MYH11: variants seen among roughly 807,000 people sequenced by gnomAD.
The protein encoded by MYH11 is myosin-11.
MYH11 carries 80 observed loss-of-function variants against 246.6 expected under a neutral mutation model. That is an observed-to-expected ratio of 0.32 (90% CI 0.27 to 0.39). The LOEUF (loss-of-function observed/expected upper bound fraction) is 0.39, where lower values mean the gene tolerates loss of function less well. Among genes scored for constraint, MYH11 ranks in the 10% least tolerant of loss-of-function variants. The pLI is 1.00. For synonymous variants in MYH11, 1,071 were observed against 1,015.5 expected, an observed-to-expected ratio of 1.05 and a Z score of -1.04; for missense variants, 2,158 against 2,546.8, an observed-to-expected ratio of 0.85 and a Z score of 3.29.
At chr16:15,823,774 C>T (rs529793531) in intron 2 of MYH11, among the ~76,000 whole-genome samples, 6 of 152,140 alleles carry the variant, frequency 3.9e-5, no homozygotes, top group East Asian at 3.9e-4. Flanking sequence ...TACAGGCGGG[C>T]GCCACCAGGC....
rs751505124 is a variant in MYH11 at position 15,838,043 on chromosome 16, C to T, written c.210G>A (p.Thr70=). The T allele has an allele frequency of 9.3e-6, 15 of 1,614,008 alleles. No individual in the cohort carries two copies. Among genetic ancestry groups the T allele is most frequent in the Middle Eastern group, 1.6e-4 (1 of 6,084 alleles). ...VELVENGKKV[T]VGKDDIQKMN... ...TCTTCTGGATGTCATCTTTCCCAACCGTGACCTTCTTGCCATTCTCCACCA... is the reference window on the plus strand; with the variant it reads ...TCTTCTGGATGTCATCTTTCCCAACTGTGACCTTCTTGCCATTCTCCACCA... The change falls in exon 2 of 41, where the codon ACG becomes ACA. Residue 70 remains threonine, a synonymous_variant. Coordinates refer to ENST00000300036, the MANE Select transcript of MYH11 (RefSeq NM_002474.3).
intron 28 of MYH11, chr16:15,726,369 CTTTTTTT>C (rs781567624): frequency 6.7e-6 from 1 of 149,168 alleles, no homozygotes; most frequent in Non-Finnish European, 1.4e-5. Context: ...GGTTTTTTTT[CTTTTTTT>C]TTTTTTTTCC....
rs988929384 is a variant in MYH11 at position 15,837,892 on chromosome 16, T to C, written c.345+16A>G. Reference sequence around the variant, plus strand: ...ATGAGGCCAGGAGTAGGTACCTGGCTGCCTGCAATACTCACATATATTAGC... The same window carrying C: ...ATGAGGCCAGGAGTAGGTACCTGGCCGCCTGCAATACTCACATATATTAGC... On this transcript the variant is annotated intron_variant, in intron 2 of 40. Coordinates refer to ENST00000300036, the MANE Select transcript of MYH11 (RefSeq NM_002474.3). 1 of 1,609,914 alleles carries C rather than the reference T, an allele frequency of 6.2e-7. No individual in the cohort carries two copies. Among genetic ancestry groups the C allele is most frequent in the East Asian group, 2.2e-5 (1 of 44,862 alleles).
chr16:15,753,368 A>G lies in MYH11; in HGVS notation c.1864+26T>C, dbSNP rs935929562. ...TCAATTCTCCAGCTCAAAGCAGAAC[A>G]TGGACCCGAGCAGAGAAGGCCTTAC... is the stretch of plus-strand genomic sequence containing the variant. On this transcript the variant is annotated intron_variant, in intron 15 of 40. Coordinates refer to ENST00000300036, the MANE Select transcript of MYH11 (RefSeq NM_002474.3). The G allele has an allele frequency of 5.6e-6, 9 of 1,598,364 alleles. No individual in the cohort carries two copies. In the East Asian group the frequency reaches 1.6e-4, roughly 28 times the overall value.
rs760908992 is a variant in MYH11 at position 15,719,615 on chromosome 16, G to A, written c.5052C>T (p.Ser1684=). 24 of 1,614,074 alleles carry A rather than the reference G, an allele frequency of 1.5e-5. 1 individual carries two copies. In the Admixed American group the frequency reaches 3.3e-4, roughly 22 times the overall value. ...GTAGCTGCATGAGGTCTGCTTCCAA[G>A]CTCTTGGCTTTCTTCTCATTCTCTT... ...TAKENEKKAK[S]LEADLMQLQE... is the part of the protein sequence containing the mutation. The change falls in exon 35 of 41, where the codon AGC becomes AGT. Residue 1684 remains serine, a synonymous_variant. Transcript: ENST00000300036.
chr16:15,823,226 T>C (rs1366802085), intron 3 of MYH11, 29 bp downstream of exon 3: 2 of 1,613,436 alleles, frequency 1.2e-6, no homozygotes, highest in African/African-American at 1.3e-5. Flanking sequence ...TCCCTGGAGC[T>C]GGCCCCGTGC....
At chr16:15,793,504 T>C (rs931003171) in intron 4 of MYH11, among the ~76,000 whole-genome samples, 4 of 152,040 alleles carry the variant, frequency 2.6e-5, no homozygotes, top group African/African-American at 9.7e-5. Flanking sequence ...TGTTCCTCAG[T>C]TTGGTCTCAA....
chr16:15,775,863 T>C lies in MYH11; in HGVS notation c.889+215A>G, dbSNP rs531570433. 9 of 612,086 alleles carry C rather than the reference T, an allele frequency of 1.5e-5. No individual in the cohort carries two copies. The African/African-American group carries it at 1.6e-4, about 11-fold the overall frequency. The allele number at this position is 612,086 out of a possible 1,614,324, so 37.9% of individuals were successfully genotyped here. On this transcript the variant is annotated intron_variant, in intron 8 of 40. Coordinates refer to ENST00000300036, the MANE Select transcript of MYH11 (RefSeq NM_002474.3). Reference sequence around the variant, plus strand: ...ATGTCTAATTGGAGTTGATGGCTACTATGTCACATAGTAGGTGCTCAGTAA... The same window carrying C: ...ATGTCTAATTGGAGTTGATGGCTACCATGTCACATAGTAGGTGCTCAGTAA...
At chr16:15,783,991 C>G (rs1421263139) in intron 5 of MYH11, among the ~76,000 whole-genome samples, 1 of 152,076 alleles carries the variant, frequency 6.6e-6, no homozygotes, top group African/African-American at 2.4e-5. Context: ...TAGGCTGGGA[C>G]CCACACATCA....
At chr16:15,832,941 ATCTTTT>A (rs2043780013) in intron 2 of MYH11, among the ~76,000 whole-genome samples, 11 of 86,202 alleles carry the variant, frequency 1.3e-4, no homozygotes, top group African/African-American at 4.6e-4. Flanking sequence ...CAGCAACCTC[ATCTTTT>A]TTTTTTTTTT....
At chr16:15,722,270 CAAGTAGCTATTA>C (rs1567697255) in intron 31 of MYH11, among the ~76,000 whole-genome samples, 2 of 152,134 alleles carry the variant, frequency 1.3e-5, no homozygotes, top group African/African-American at 4.8e-5. Context: ...TTCATGGCCA[CAAGTAGCTATTA>C]ATATCTTACA....
chr16:15,839,805 T>A (rs757771941), intron 1 of MYH11, among the ~76,000 whole-genome samples: 8 of 151,236 alleles, frequency 5.3e-5, no homozygotes, highest in Non-Finnish European at 1.2e-4. Context: ...ATCCCAGCAC[T>A]TTGGGAGGCC....
intron 10 of MYH11, among the ~76,000 whole-genome samples, chr16:15,761,860 T>G (rs2041874816): frequency 6.6e-6 from 1 of 152,208 alleles, no homozygotes; most frequent in East Asian, 1.9e-4. Flanking sequence ...AAATTATAAC[T>G]GAGACACTGA....
chr16:15,781,792 C>T (rs1419709314), intron 6 of MYH11, among the ~76,000 whole-genome samples: 2 of 152,140 alleles, frequency 1.3e-5, no homozygotes, highest in Admixed American at 1.3e-4. Context: ...TCATCGCAAT[C>T]CTGTGAGACT....
chr16:15,813,875 C>T (rs1215286748), intron 3 of MYH11, among the ~76,000 whole-genome samples: 2 of 150,986 alleles, frequency 1.3e-5, no homozygotes, highest in East Asian at 1.9e-4. Context: ...TGTAAAAAGG[C>T]CGGGCGTGGT....
intron 20 of MYH11, 28 bp from the exon 21 acceptor site, chr16:15,741,919 T>A (rs745546222): frequency 1.2e-6 from 2 of 1,614,018 alleles, no homozygotes; most frequent in South Asian, 2.2e-5. Context: ...GCCCATCATT[T>A]GTTTTTGTGG....
intron 5 of MYH11, among the ~76,000 whole-genome samples, chr16:15,784,103 T>G (rs531769660): frequency 2.0e-5 from 3 of 151,992 alleles, no homozygotes; most frequent in Non-Finnish European, 4.4e-5. Flanking sequence ...CCACCAAAGC[T>G]AGTGCATCGC....
Position 15,756,409 on chromosome 16 carries a change from G to C in MYH11, c.1681C>G (p.Pro561Ala). The change falls in exon 14 of 41, where the codon CCC (proline) becomes GCC (alanine). Residue 561 changes from proline to alanine, a missense_variant. Transcript: ENST00000300036. ...EKLCTEQGSH[P>A]KFQKPKQLKD... is the part of the protein sequence containing the mutation. ...AGCTGCTTGGGCTTCTGGAACTTGGGGTGGCTGCCCTGCTCCGTGCACAGC... is the reference window on the plus strand; with the variant it reads ...AGCTGCTTGGGCTTCTGGAACTTGGCGTGGCTGCCCTGCTCCGTGCACAGC... 1 of 1,614,122 alleles carries C rather than the reference G, an allele frequency of 6.2e-7. No homozygotes were observed. Among genetic ancestry groups the C allele is most frequent in the South Asian group, 1.1e-5 (1 of 91,084 alleles).
chr16:15,765,824 A>T (rs141570659), intron 9 of MYH11, among the ~76,000 whole-genome samples: 236 of 152,312 alleles, frequency 1.5e-3, no homozygotes, highest in Non-Finnish European at 2.6e-3. Flanking sequence ...TTTAACCATA[A>T]CATCTATGAA....
Sources: allele counts gnomAD v4.1 joint callset (sites outside exome capture counted in the v4.1 genomes callset), GRCh38; gene constraint gnomAD v4.1.1; transcripts MANE v1.5; gene names NCBI Gene and HGNC (gene_info 2026-07-23, HGNC 2026-07-21).